Variants in PFKFB3 observed in about 807,000 individuals in gnomAD.
PFKFB3 encodes 6-phosphofructo-2-kinase/fructose-2,6-biphosphatase 3, also known as 6-phosphofructo-2-kinase/fructose-2,6-bisphosphatase 3.
A neutral mutation model predicts 68.0 loss-of-function variants in PFKFB3; 33 were observed. The ratio of observed to expected loss-of-function variants is 0.49; its 90% CI spans 0.37 to 0.65. The LOEUF (loss-of-function observed/expected upper bound fraction) is 0.65, where lower values mean the gene tolerates loss of function less well. Ranked by LOEUF, PFKFB3 falls within the 30% of genes least tolerant of loss-of-function variation. The probability of loss-of-function intolerance (pLI) is 0.00; values close to 1 mark genes in which losing one functional copy is unlikely to be tolerated. For missense variants in PFKFB3, 586 were observed against 712.2 expected (o/e 0.82, Z 2.02); for synonymous variants, 315 against 288.2 (o/e 1.09, Z -0.94).
chr10:6,287,770 C>T, the PFKFB3 span, among the ~76,000 whole-genome samples: 1 of 152,092 alleles, frequency 6.6e-6, no homozygotes, highest in East Asian at 1.9e-4. Flanking sequence ...TCACCAAATA[C>T]ATTATTACTA....
Position 6,215,154 on chromosome 10 carries a change from G to T in PFKFB3, c.203-67G>T. 7.4e-7 allele frequency: 1 copy of T among 1,355,702 alleles called. No individual in the cohort carries two copies. Among genetic ancestry groups the T allele is most frequent in the East Asian group, 2.3e-5 (1 of 43,410 alleles). 84.0% of individuals were successfully genotyped at this position (1,355,702 alleles called of 1,614,324 possible). ...TGGCTCTTCCTTTGGTCGATCCTAT[G>T]GTCCCGGTGTGAGCTGGCCCCTTCC... On this transcript the variant is annotated intron_variant, in intron 2 of 14. Coordinates refer to ENST00000379775, the MANE Select transcript of PFKFB3 (RefSeq NM_004566.4). This position sits in a 1 kb window ranked among gnomAD's most constrained non-coding sequence, Gnocchi z 4.3.
In PFKFB3 at chr10:6,220,521, G is replaced by T. The variant is rs1844878546; in HGVS notation, c.624-137G>T. On this transcript the variant is annotated intron_variant, in intron 7 of 14. Transcript: ENST00000379775. The surrounding 1 kb of genome is among the most constrained non-coding windows in gnomAD (Gnocchi z 4.1). The stretch of plus-strand genomic sequence containing the variant: ...TACGCATATGCTCTGCCCCTTAGAA[G>T]GATTCAGTCTGTGCCCTGGAGGGGC... 4 of 716,576 alleles carry T rather than the reference G, an allele frequency of 5.6e-6. No homozygotes were observed. The highest frequency in any genetic ancestry group is 9.6e-6 in the Non-Finnish European group (4 of 418,190). The allele number at this position is 716,576 out of a possible 1,614,324, so 44.4% of individuals were successfully genotyped here. A position where few individuals can be genotyped will look rare whatever the true frequency, so the allele number is the denominator to read the frequency against.
chr10:6,294,811 C>T, the PFKFB3 span: 3 of 152,294 alleles, frequency 2.0e-5, no homozygotes, highest in African/African-American at 7.2e-5. Context: ...ATCTCTCTGC[C>T]TCCATTTCCC....
At chr10:6,297,608 G>A in the PFKFB3 span, among the ~76,000 whole-genome samples, 2 of 152,162 alleles carry the variant, frequency 1.3e-5, no homozygotes, top group Non-Finnish European at 2.9e-5. Context: ...GGAGCAAGAT[G>A]TCCCCATGAG....
chr10:6,161,342 A>G (rs1841962967), intron 1 of PFKFB3, among the ~76,000 whole-genome samples: 1 of 152,150 alleles, frequency 6.6e-6, no homozygotes, highest in African/African-American at 2.4e-5. Context: ...TTTACCAGCA[A>G]TATGAGGATC....
At chr10:6,282,205 G>A in the PFKFB3 span, among the ~76,000 whole-genome samples, 1 of 152,256 alleles carries the variant, frequency 6.6e-6, no homozygotes, top group South Asian at 2.1e-4. Context: ...TCCTGCTAGA[G>A]AGAAAGCATG....
At position 6,228,312 on chromosome 10, in the gene PFKFB3, C is replaced by A; in HGVS notation, c.1515+1947C>A. 1 of 1,414,468 alleles carries A rather than the reference C, an allele frequency of 7.1e-7. No homozygotes were observed. The highest frequency in any genetic ancestry group is 1.0e-6 in the Non-Finnish European group (1 of 1,001,068). The allele number at this position is 1,414,468 out of a possible 1,614,324, so 87.6% of individuals were successfully genotyped here. On this transcript the variant is annotated intron_variant, in intron 14 of 14. Transcript: ENST00000379775. The surrounding 1 kb of genome is among the most constrained non-coding windows in gnomAD (Gnocchi z 4.5). ...CCTGTTAAAATATTGAGGATGAGAG[C>A]AGTTTTGTGATGTGAGGTCTTCCGT...
chr10:6,228,306 T>A lies in PFKFB3; in HGVS notation c.1515+1941T>A. The A allele has an allele frequency of 6.8e-7, 1 of 1,473,498 alleles. No homozygotes were observed. Among genetic ancestry groups the A allele is most frequent in the Non-Finnish European group, 9.5e-7 (1 of 1,054,426 alleles). The allele number at this position is 1,473,498 out of a possible 1,614,324, so 91.3% of individuals were successfully genotyped here. ...CTCCTGCCTGTTAAAATATTGAGGA[T>A]GAGAGCAGTTTTGTGATGTGAGGTC... is the stretch of plus-strand genomic sequence containing the variant. On this transcript the variant is annotated intron_variant, in intron 14 of 14. Coordinates refer to ENST00000379775, the MANE Select transcript of PFKFB3 (RefSeq NM_004566.4). This position sits in a 1 kb window ranked among gnomAD's most constrained non-coding sequence, Gnocchi z 4.5.
At chr10:6,281,182 T>TATATATAC in the PFKFB3 span, among the ~76,000 whole-genome samples, 2 of 133,606 alleles carry the variant, frequency 1.5e-5, no homozygotes, top group South Asian at 2.4e-4. Flanking sequence ...TATATATATA[T>TATATATAC]ACACCACAGT....
rs1845473383 is a variant in PFKFB3, at chr10:6,228,076, C to T, written c.1515+1711C>T. ...TTGGGAGGACAGTCCTTCAGGGTGG[C>T]CAGGTTCTTAGGGACGTCTGAAGCT... On this transcript the variant is annotated intron_variant, in intron 14 of 14. Coordinates refer to ENST00000379775, the MANE Select transcript of PFKFB3 (RefSeq NM_004566.4). This position sits in a 1 kb window ranked among gnomAD's most constrained non-coding sequence, Gnocchi z 4.5. The T allele has an allele frequency of 9.4e-7, 1 of 1,062,376 alleles. No individual in the cohort carries two copies. Among genetic ancestry groups the T allele is most frequent in the South Asian group, 1.3e-5 (1 of 77,388 alleles). 65.8% of individuals were successfully genotyped at this position (1,062,376 alleles called of 1,614,324 possible).
At chr10:6,184,164 T>G (rs1432132177) in intron 1 of PFKFB3, among the ~76,000 whole-genome samples, 1 of 152,012 alleles carries the variant, frequency 6.6e-6, no homozygotes, top group African/African-American at 2.4e-5. Flanking sequence ...GTGATCCTTG[T>G]GCGTCAGCCT....
chr10:6,157,420 G>A (rs552186389), intron 1 of PFKFB3, among the ~76,000 whole-genome samples: 2 of 152,172 alleles, frequency 1.3e-5, no homozygotes, highest in Admixed American at 6.5e-5. Context: ...TAGAGGCGGG[G>A]TTTCACCGTG....
chr10:6,226,593 C>T, intron 14 of PFKFB3: 1 of 552,526 alleles, frequency 1.8e-6, no homozygotes, highest in East Asian at 3.3e-5. Context: ...ATCCTGGGGG[C>T]TTTCCTTGCT....
chr10:6,280,467 C>G, the PFKFB3 span, among the ~76,000 whole-genome samples: 1 of 152,236 alleles, frequency 6.6e-6, no homozygotes, highest in African/African-American at 2.4e-5. Flanking sequence ...GCTCTCAGTG[C>G]TCACCAATAT....
rs1454536776 is a variant in PFKFB3 at position 6,228,848 on chromosome 10, ATC to A, written c.1515+2487_1515+2488del. 6.6e-6 allele frequency among the ~76,000 whole-genome samples: 1 copy of A among 152,046 alleles called. No homozygotes were observed. The highest frequency in any genetic ancestry group is 1.9e-4 in the East Asian group (1 of 5,170). ...ACGCCCGGGGCTGGGTGCAGCCTCC[ATC>A]TCTAACCCATGTGGTCACTTCTGCT... On this transcript the variant is annotated intron_variant, in intron 14 of 14. Coordinates refer to ENST00000379775, the MANE Select transcript of PFKFB3 (RefSeq NM_004566.4). This position sits in a 1 kb window ranked among gnomAD's most constrained non-coding sequence, Gnocchi z 4.5.
At position 6,229,212 on chromosome 10, in the gene PFKFB3, AG is replaced by A; in HGVS notation, c.1515+2851del. On this transcript the variant is annotated intron_variant, in intron 14 of 14. Coordinates refer to ENST00000379775, the MANE Select transcript of PFKFB3 (RefSeq NM_004566.4). The surrounding 1 kb of genome is among the most constrained non-coding windows in gnomAD (Gnocchi z 4.3). ...CATGGCGCTCAGATTTTGGTGGCAA[AG>A]GGGTGAAGGGCCAGAGGATGTACCA... 2.0e-6 allele frequency: 1 copy of A among 492,310 alleles called. No individual in the cohort carries two copies. Among genetic ancestry groups the A allele is most frequent in the Non-Finnish European group, 4.2e-6 (1 of 238,412 alleles). 30.5% of individuals were successfully genotyped at this position (492,310 alleles called of 1,614,324 possible).
chr10:6,192,816 A>G (rs1466361894), intron 1 of PFKFB3, among the ~76,000 whole-genome samples: 2 of 152,110 alleles, frequency 1.3e-5, no homozygotes, highest in Non-Finnish European at 2.9e-5. Flanking sequence ...GTGGGCTTGC[A>G]CAGTTACAAA....
intron 1 of PFKFB3, among the ~76,000 whole-genome samples, chr10:6,158,434 T>C (rs752696104): frequency 2.6e-5 from 4 of 152,138 alleles, no homozygotes; most frequent in Non-Finnish European, 5.9e-5. Context: ...GTGTGCCCGG[T>C]AGAAATGAGG....
At chr10:6,161,682 G>C (rs1460891089) in intron 1 of PFKFB3, among the ~76,000 whole-genome samples, 1 of 151,878 alleles carries the variant, frequency 6.6e-6, no homozygotes, top group Non-Finnish European at 1.5e-5. Context: ...ACCCAGGCTG[G>C]AGTGCAGTGG....
Sources: gnomAD v4.1 joint callset for allele counts (sites outside exome capture counted in the v4.1 genomes callset) on GRCh38, gnomAD v4.1.1 for gene constraint, Gnocchi (gnomAD v3.1) non-coding constraint, MANE v1.5 for transcripts, NCBI Gene and HGNC (gene_info 2026-07-23, HGNC 2026-07-21) for gene names.